The following RALGAPA2 variants were observed in gnomAD, a reference collection of about 807,000 sequenced individuals.
RALGAPA2 encodes the protein Ral GTPase activating protein catalytic subunit alpha 2, also known as ral GTPase-activating protein subunit alpha-2.
RALGAPA2 carries 139 observed loss-of-function variants against 230.4 expected under a neutral mutation model. The ratio of observed to expected loss-of-function variants is 0.60; its 90% CI spans 0.53 to 0.69. The LOEUF (loss-of-function observed/expected upper bound fraction) is 0.69. Ranked by LOEUF, RALGAPA2 falls within the 30% of genes least tolerant of loss-of-function variation. RALGAPA2 has a pLI of 0.00. For synonymous variants in RALGAPA2, 847 were observed against 837.8 expected (o/e 1.01, Z -0.19); for missense variants, 2,163 against 2,276.0 (o/e 0.95, Z 1.01).
At chr20:20,473,693 A>T (rs1298030901) in intron 36 of RALGAPA2, among the ~76,000 whole-genome samples, 1 of 152,098 alleles carries the variant, frequency 6.6e-6, no homozygotes, top group Non-Finnish European at 1.5e-5. Flanking sequence ...CATTTCTGTT[A>T]TGTGGAAAAC....
chr20:20,561,878 A>G (rs2064266557), intron 23 of RALGAPA2, among the ~76,000 whole-genome samples: 4 of 152,216 alleles, frequency 2.6e-5, no homozygotes, highest in Admixed American at 1.3e-4. Flanking sequence ...TCTGTGCACT[A>G]CAGGATATTT....
chr20:20,456,009 G>A (rs1249371052), intron 37 of RALGAPA2, among the ~76,000 whole-genome samples: 4 of 152,288 alleles, frequency 2.6e-5, no homozygotes, highest in East Asian at 1.9e-4. Flanking sequence ...CAAAATGCAC[G>A]CTTTCAACAC....
chr20:20,557,319 G>A (rs1473988136), intron 23 of RALGAPA2, among the ~76,000 whole-genome samples: 1 of 151,508 alleles, frequency 6.6e-6, no homozygotes, highest in Non-Finnish European at 1.5e-5. Context: ...AAAAAAAAAA[G>A]GGGTAAGTAA....
intron 38 of RALGAPA2, among the ~76,000 whole-genome samples, chr20:20,409,427 T>C (rs931546319): frequency 3.3e-5 from 5 of 152,190 alleles, no homozygotes; most frequent in South Asian, 2.1e-4. Flanking sequence ...ATTCCTCAGA[T>C]TGTGCATACG....
At chr20:20,588,492 T>A (rs886242978) in intron 18 of RALGAPA2, among the ~76,000 whole-genome samples, 1 of 152,164 alleles carries the variant, frequency 6.6e-6, no homozygotes, top group African/African-American at 2.4e-5. Flanking sequence ...ATAAGGCCCC[T>A]CTCTGAGGGG....
intron 5 of RALGAPA2, 32 bp downstream of exon 5, chr20:20,643,474 T>G: frequency 1.4e-6 from 2 of 1,453,074 alleles, no homozygotes; most frequent in Non-Finnish European, 1.8e-6. Context: ...TTAAGAGTAA[T>G]AAAAAATGTC....
chr20:20,563,458 A>G (rs747679572), intron 23 of RALGAPA2, among the ~76,000 whole-genome samples: 6 of 152,226 alleles, frequency 3.9e-5, no homozygotes, highest in Non-Finnish European at 7.3e-5. Flanking sequence ...TTCCAACAGA[A>G]TTAGAAAATA....
intron 16 of RALGAPA2, among the ~76,000 whole-genome samples, chr20:20,600,409 T>C (rs574395016): frequency 3.9e-5 from 6 of 152,260 alleles, no homozygotes; most frequent in East Asian, 3.9e-4. Context: ...TAACAAAGAA[T>C]TGGGTCTCTC....
Position 20,672,120 on chromosome 20 carries a change from C to T in RALGAPA2, c.270+4116G>A, listed in dbSNP as rs75885497. On this transcript the variant is annotated intron_variant, in intron 3 of 39. Coordinates refer to ENST00000202677, the MANE Select transcript of RALGAPA2 (RefSeq NM_020343.4). The stretch of plus-strand genomic sequence containing the variant: ...CTATGGTAAGTTTAGGGAACTGAAC[C>T]TGAATTTCCATTCATAAACCAGAAC... 3.3e-3 allele frequency among the ~76,000 whole-genome samples: 506 copies of T among 152,282 alleles called. 2 individuals are homozygous for T. Among genetic ancestry groups the T allele is most frequent in the African/African-American group, 0.012 (485 of 41,556 alleles).
chr20:20,557,681 C>A (rs149866782), intron 23 of RALGAPA2, among the ~76,000 whole-genome samples: 36 of 152,246 alleles, frequency 2.4e-4, no homozygotes, highest in African/African-American at 7.2e-4. Context: ...CCCTATGTTA[C>A]CCCAGAATGA....
intron 37 of RALGAPA2, among the ~76,000 whole-genome samples, chr20:20,446,696 T>C (rs980295043): frequency 6.6e-6 from 1 of 152,202 alleles, no homozygotes; most frequent in Non-Finnish European, 1.5e-5. Flanking sequence ...AGGGCAAATA[T>C]TCCACTGGGC....
chr20:20,616,674 C>T (rs1331222837), intron 12 of RALGAPA2, among the ~76,000 whole-genome samples: 1 of 152,166 alleles, frequency 6.6e-6, no homozygotes, highest in Non-Finnish European at 1.5e-5. Context: ...CTGACAGAAG[C>T]ATGGACAGCA....
intron 38 of RALGAPA2, among the ~76,000 whole-genome samples, chr20:20,399,844 A>G (rs2059795791): frequency 6.6e-6 from 1 of 152,234 alleles, no homozygotes; most frequent in African/African-American, 2.4e-5. Flanking sequence ...TGCCATCCAG[A>G]ACCGCCACCT....
chr20:20,474,246 T>A (rs2061601201), intron 36 of RALGAPA2, among the ~76,000 whole-genome samples: 1 of 152,064 alleles, frequency 6.6e-6, no homozygotes. Flanking sequence ...AGCACAGGCC[T>A]TGTGGTGGGA....
At chr20:20,632,963 T>C (rs1052465777) in intron 9 of RALGAPA2, among the ~76,000 whole-genome samples, 6 of 152,190 alleles carry the variant, frequency 3.9e-5, no homozygotes, top group African/African-American at 1.4e-4. Flanking sequence ...CACTTTTTTT[T>C]TTTTAAATAA....
chr20:20,673,001 G>T (rs113341421), intron 3 of RALGAPA2, among the ~76,000 whole-genome samples: 1 of 151,774 alleles, frequency 6.6e-6, no homozygotes, highest in Admixed American at 6.6e-5. Context: ...TGGCTAACAC[G>T]GTGAAAACCC....
intron 36 of RALGAPA2, among the ~76,000 whole-genome samples, chr20:20,482,095 C>G (rs1449890626): frequency 6.6e-6 from 1 of 152,196 alleles, no homozygotes; most frequent in African/African-American, 2.4e-5. Flanking sequence ...CAGAAGATAG[C>G]TTTTGGGAAA....
intron 36 of RALGAPA2, among the ~76,000 whole-genome samples, chr20:20,486,887 T>C (rs1170400892): frequency 6.6e-6 from 1 of 152,226 alleles, no homozygotes; most frequent in African/African-American, 2.4e-5. Flanking sequence ...TTTGTTTCTG[T>C]CATAGGGTTT....
rs1276316728 is a variant in RALGAPA2 at position 20,640,896 on chromosome 20, A to G, written c.373-18T>C. The G allele has an allele frequency of 6.3e-7, 1 of 1,587,448 alleles. No homozygotes were observed. Among genetic ancestry groups the G allele is most frequent in the Non-Finnish European group, 8.6e-7 (1 of 1,159,996 alleles). The stretch of plus-strand genomic sequence containing the variant: ...CATCTTATCTAAAACAAAATTAAAA[A>G]CAATGAAAATGAAACACATGTATTT... On this transcript the variant is annotated intron_variant, in intron 5 of 39. Coordinates refer to ENST00000202677, the MANE Select transcript of RALGAPA2 (RefSeq NM_020343.4).
Sources: allele counts gnomAD v4.1 joint callset (sites outside exome capture counted in the v4.1 genomes callset), GRCh38; gene constraint gnomAD v4.1.1; transcripts MANE v1.5; gene names NCBI Gene and HGNC (gene_info 2026-07-23, HGNC 2026-07-21).